The following VWC2 variants were observed in gnomAD, a reference collection of about 807,000 sequenced individuals.
VWC2 encodes the protein brorin.
In VWC2, 14 loss-of-function variants were observed where a neutral mutation model predicts 29.8. That is an observed-to-expected ratio of 0.47 (90% confidence interval 0.31 to 0.74). The LOEUF is 0.74. Ranked by LOEUF, VWC2 falls within the 30% of genes least tolerant of loss-of-function variation. The probability of loss-of-function intolerance (pLI) is 0.05; values close to 1 mark genes in which losing one functional copy is unlikely to be tolerated. For missense variants in VWC2, 457 were observed against 459.8 expected, an observed-to-expected ratio of 0.99 and a Z score of 0.05; for synonymous variants, 213 against 199.0, an observed-to-expected ratio of 1.07 and a Z score of -0.59.
chr7:49,802,670 T>A lies in VWC2; in HGVS notation c.697-41T>A, dbSNP rs1407889487. 3.1e-6 allele frequency: 5 copies of A among 1,612,784 alleles called. No homozygotes were observed. In the South Asian group the frequency reaches 5.5e-5, roughly 18 times the overall value. The stretch of plus-strand genomic sequence containing the variant: ...TATATATGACCCTGTAGGATAAACA[T>A]GACAGCAGGCTAAAGTGCTGATTGT... On this transcript the variant is annotated intron_variant, in intron 2 of 3. Transcript: ENST00000340652.
At chr7:49,865,332 A>T (rs1440338538) in intron 3 of VWC2, among the ~76,000 whole-genome samples, 2 of 152,214 alleles carry the variant, frequency 1.3e-5, no homozygotes, top group African/African-American at 4.8e-5. Flanking sequence ...GATATCTTTG[A>T]TAATTTACTG....
At chr7:49,817,661 A>C (rs1402188248) in intron 3 of VWC2, among the ~76,000 whole-genome samples, 1 of 152,214 alleles carries the variant, frequency 6.6e-6, no homozygotes, top group Non-Finnish European at 1.5e-5. Context: ...AAAAGAGTCC[A>C]TTACCCCAGG....
chr7:49,814,672 C>T (rs1259411246), intron 3 of VWC2, among the ~76,000 whole-genome samples: 2 of 152,156 alleles, frequency 1.3e-5, no homozygotes, highest in African/African-American at 4.8e-5. Flanking sequence ...TATTTGTATG[C>T]TTCCTCAAGA....
intron 3 of VWC2, among the ~76,000 whole-genome samples, chr7:49,834,920 G>A (rs181757200): frequency 1.0e-3 from 156 of 152,296 alleles, no homozygotes; most frequent in African/African-American, 3.4e-3. Context: ...CAGGATGGGG[G>A]AGATATTGTC....
intron 3 of VWC2, among the ~76,000 whole-genome samples, chr7:49,837,363 A>C (rs1444710644): frequency 6.6e-6 from 1 of 152,240 alleles, no homozygotes; most frequent in East Asian, 1.9e-4. Flanking sequence ...TATTAAATGC[A>C]AGGAAACCAA....
At chr7:49,846,473 T>C (rs1190803652) in intron 3 of VWC2, among the ~76,000 whole-genome samples, 1 of 152,208 alleles carries the variant, frequency 6.6e-6, no homozygotes, top group Non-Finnish European at 1.5e-5. Flanking sequence ...CGTCTTTGCA[T>C]ATGCCTTTTT....
intron 3 of VWC2, among the ~76,000 whole-genome samples, chr7:49,911,431 G>A (rs532090526): frequency 9.8e-5 from 13 of 132,296 alleles, no homozygotes; most frequent in Admixed American, 9.7e-4. Flanking sequence ...GCAGTGAGCC[G>A]AGATCGTGCC....
In VWC2 at chr7:49,775,407, C is replaced by G; in HGVS notation, c.-29C>G. On this transcript the variant is annotated 5_prime_UTR_variant, in exon 2 of 4. Coordinates refer to ENST00000340652, the MANE Select transcript of VWC2 (RefSeq NM_198570.5). ...ACTCGCCCCTCGGCCGCGCTCCCCGCCCGCCCGCCCGCCGGGACGTGGTAG... is the reference window on the plus strand; with the variant it reads ...ACTCGCCCCTCGGCCGCGCTCCCCGGCCGCCCGCCCGCCGGGACGTGGTAG... 8.6e-7 allele frequency: 1 copy of G among 1,159,850 alleles called. No individual in the cohort carries two copies. The highest frequency in any genetic ancestry group is 1.6e-5 in the African/African-American group (1 of 61,306). The allele number at this position is 1,159,850 out of a possible 1,614,324, so 71.8% of individuals were successfully genotyped here.
chr7:49,809,722 C>T (rs910485622), intron 3 of VWC2, among the ~76,000 whole-genome samples: 20 of 151,942 alleles, frequency 1.3e-4, no homozygotes, highest in African/African-American at 4.6e-4. Context: ...GGTTTACTGT[C>T]TCAAAAATCA....
intron 2 of VWC2, 68 bp downstream of exon 2, chr7:49,776,199 T>A: frequency 7.4e-7 from 1 of 1,347,760 alleles, no homozygotes; most frequent in Non-Finnish European, 9.9e-7. Flanking sequence ...TTTGGTTCTG[T>A]GGTCCCCCAC....
intron 3 of VWC2, among the ~76,000 whole-genome samples, chr7:49,846,831 G>T (rs530488862): frequency 3.9e-5 from 6 of 152,178 alleles, no homozygotes; most frequent in Admixed American, 1.3e-4. Flanking sequence ...TCATTTGACA[G>T]CCAGAGAAGT....
chr7:49,855,021 G>A (rs1205247519), intron 3 of VWC2, among the ~76,000 whole-genome samples: 1 of 152,174 alleles, frequency 6.6e-6, no homozygotes, highest in African/African-American at 2.4e-5. Flanking sequence ...GCATTAGCCT[G>A]CCTCTTTGAG....
chr7:49,836,188 A>C (rs1460954174), intron 3 of VWC2, among the ~76,000 whole-genome samples: 1 of 152,214 alleles, frequency 6.6e-6, no homozygotes, highest in Non-Finnish European at 1.5e-5. Flanking sequence ...TTCAATCAAT[A>C]ATTGTATTCA....
Position 49,856,633 on chromosome 7 carries a change from T to TATAC in VWC2, c.826+53794_826+53797dup, listed in dbSNP as rs200993306. 1.3e-4 allele frequency among the ~76,000 whole-genome samples: 20 copies of TATAC among 152,258 alleles called. No individual in the cohort carries two copies. In the East Asian group the frequency reaches 3.3e-3, roughly 25 times the overall value. Reference sequence around the variant, plus strand: ...ACAATTTGGTGAGTTTGGACATAAGTATACCCTCATGTTACCATCACCACA... The same window carrying TATAC: ...ACAATTTGGTGAGTTTGGACATAAGTATACATACCCTCATGTTACCATCACCACA... On this transcript the variant is annotated intron_variant, in intron 3 of 3. Transcript: ENST00000340652.
chr7:49,801,742 G>A lies in VWC2; in HGVS notation c.697-969G>A, dbSNP rs571188404. Reference sequence around the variant, plus strand: ...AGCCCTCAGTGGAAGAGGACCTTGTGCTCACAGGACAGACATGCCCATGGC... The same window carrying A: ...AGCCCTCAGTGGAAGAGGACCTTGTACTCACAGGACAGACATGCCCATGGC... On this transcript the variant is annotated intron_variant, in intron 2 of 3. Transcript: ENST00000340652. Among the ~76,000 whole-genome samples the A allele has an allele frequency of 5.9e-5, 9 of 152,374 alleles. No homozygotes were observed. In the South Asian group the frequency reaches 1.7e-3, roughly 28 times the overall value.
chr7:49,814,768 C>G (rs1479406458), intron 3 of VWC2, among the ~76,000 whole-genome samples: 1 of 152,134 alleles, frequency 6.6e-6, no homozygotes, highest in African/African-American at 2.4e-5. Context: ...ATGGCCATTA[C>G]CAGTTACACT....
intron 3 of VWC2, among the ~76,000 whole-genome samples, chr7:49,874,203 T>C (rs184913833): frequency 3.2e-4 from 48 of 152,248 alleles, no homozygotes; most frequent in Non-Finnish European, 3.4e-4. Context: ...CACACAGTCA[T>C]GTGCCTCATA....
At chr7:49,888,195 A>G (rs536688057) in intron 3 of VWC2, among the ~76,000 whole-genome samples, 1 of 152,344 alleles carries the variant, frequency 6.6e-6, no homozygotes, top group Non-Finnish European at 1.5e-5. Context: ...ATTTTCTGAC[A>G]GCCAGTTAAA....
chr7:49,833,560 G>A (rs938502414), intron 3 of VWC2, among the ~76,000 whole-genome samples: 3 of 152,196 alleles, frequency 2.0e-5, no homozygotes, highest in African/African-American at 7.2e-5. Context: ...CATTAGGAAA[G>A]GTGATTGGGA....
Sources: allele counts gnomAD v4.1 joint callset (sites outside exome capture counted in the v4.1 genomes callset), GRCh38; gene constraint gnomAD v4.1.1; transcripts MANE v1.5; gene names NCBI Gene and HGNC (gene_info 2026-07-23, HGNC 2026-07-21).